WWOX: variants seen among roughly 807,000 people sequenced by gnomAD.
WWOX encodes the protein WW domain-containing oxidoreductase.
Under a neutral mutation model 46.2 loss-of-function variants are expected in WWOX, and 69 were observed. That is an observed-to-expected ratio of 1.49 (90% CI 1.23 to 1.82). The LOEUF (loss-of-function observed/expected upper bound fraction) is 1.82. WWOX is among the 40% of genes most tolerant of loss of function. WWOX has a pLI of 0.00. For synonymous variants in WWOX, 359 were observed against 202.6 expected (o/e 1.77, Z -6.56); for missense variants, 919 against 542.6 (o/e 1.69, Z -6.89).
At chr16:78,897,749 A>G (rs1597121775) in intron 8 of WWOX, 1 of 151,050 alleles carries the variant, frequency 6.6e-6, no homozygotes, top group East Asian at 2.0e-4. Context: ...GCTGCCAAAC[A>G]GTTGTCTAAA....
At chr16:78,830,574 G>A (rs1045642071) in intron 8 of WWOX, among the ~76,000 whole-genome samples, 3 of 151,942 alleles carry the variant, frequency 2.0e-5, no homozygotes, top group African/African-American at 7.3e-5. Context: ...TCACCTCTAG[G>A]AGATATTTTC....
intron 6 of WWOX, among the ~76,000 whole-genome samples, chr16:78,423,616 C>G (rs992593119): frequency 6.6e-6 from 1 of 151,930 alleles, no homozygotes; most frequent in African/African-American, 2.4e-5. Flanking sequence ...TTGCTTGAGA[C>G]CAGGAACTCA....
intron 8 of WWOX, among the ~76,000 whole-genome samples, chr16:78,471,732 C>T (rs2084226909): frequency 6.6e-6 from 1 of 152,190 alleles, no homozygotes; most frequent in African/African-American, 2.4e-5. Flanking sequence ...AGTCCCTGAA[C>T]ATCATTTGGC....
At chr16:78,101,346 C>CTTTTTTTTTTTTTTTT (rs71137871) in intron 1 of WWOX, among the ~76,000 whole-genome samples, 941 of 66,758 alleles carry the variant, frequency 0.014, 201 homozygotes, top group African/African-American at 0.019. Context: ...CGCTCCCGGC[C>CTTTTTTTTTTTTTTTT]TTTTTTTTTT....
At chr16:79,197,149 G>C (rs916799845) in intron 8 of WWOX, among the ~76,000 whole-genome samples, 1 of 152,134 alleles carries the variant, frequency 6.6e-6, no homozygotes, top group Admixed American at 6.5e-5. Flanking sequence ...AAATTCACAA[G>C]TCTGTACCAT....
At chr16:78,422,417 C>T (rs1320607988) in intron 6 of WWOX, among the ~76,000 whole-genome samples, 1 of 151,218 alleles carries the variant, frequency 6.6e-6, no homozygotes, top group South Asian at 2.1e-4. Context: ...GATCATAGCT[C>T]ATTGCAGCCC....
intron 4 of WWOX, among the ~76,000 whole-genome samples, chr16:78,126,000 C>G (rs552440764): frequency 1.2e-4 from 19 of 152,192 alleles, no homozygotes; most frequent in African/African-American, 4.6e-4. Flanking sequence ...TAGAAGTATA[C>G]TATTAATATT....
At chr16:78,914,747 C>T (rs1188934659) in intron 8 of WWOX, among the ~76,000 whole-genome samples, 2 of 149,968 alleles carry the variant, frequency 1.3e-5, no homozygotes, top group East Asian at 1.9e-4. Flanking sequence ...GGCATGCTGG[C>T]AGGCGCCTGT....
At chr16:79,035,300 C>T (rs1363780631) in intron 8 of WWOX, among the ~76,000 whole-genome samples, 1 of 152,164 alleles carries the variant, frequency 6.6e-6, no homozygotes, top group Non-Finnish European at 1.5e-5. Context: ...TCTCTAATCC[C>T]TTTGATTTCC....
intron 5 of WWOX, among the ~76,000 whole-genome samples, chr16:78,271,324 G>A (rs1156535711): frequency 1.3e-5 from 2 of 152,152 alleles, no homozygotes; most frequent in Admixed American, 6.5e-5. Flanking sequence ...GAAATCACAA[G>A]CCCATGTAAA....
At chr16:78,966,021 C>T (rs1419747466) in intron 8 of WWOX, among the ~76,000 whole-genome samples, 1 of 152,120 alleles carries the variant, frequency 6.6e-6, no homozygotes, top group Non-Finnish European at 1.5e-5. Flanking sequence ...AAGTTATCTC[C>T]AGGTGCTATC....
chr16:79,134,686 C>A (rs987850240), intron 8 of WWOX, among the ~76,000 whole-genome samples: 14 of 152,138 alleles, frequency 9.2e-5, no homozygotes, highest in African/African-American at 3.4e-4. Flanking sequence ...CAAGGACATT[C>A]TTATAGACAT....
At chr16:78,910,724 C>G (rs952339503) in intron 8 of WWOX, among the ~76,000 whole-genome samples, 1 of 151,780 alleles carries the variant, frequency 6.6e-6, no homozygotes, top group Admixed American at 6.6e-5. Context: ...GGGGAACTCC[C>G]CTTTATAAAA....
intron 5 of WWOX, among the ~76,000 whole-genome samples, chr16:78,336,330 CA>C (rs35010158): frequency 0.2 from 26,022 of 130,764 alleles, 2,747 homozygotes; most frequent in East Asian, 0.43. Context: ...AAAATAACAC[CA>C]AAAAAAAAAA....
intron 8 of WWOX, among the ~76,000 whole-genome samples, chr16:78,782,395 T>C (rs182726684): frequency 9.2e-5 from 14 of 152,276 alleles, no homozygotes; most frequent in Middle Eastern, 3.4e-3. Flanking sequence ...TTTCCCACAA[T>C]CTAGGAGAAA....
intron 8 of WWOX, among the ~76,000 whole-genome samples, chr16:79,134,006 C>A (rs2049934158): frequency 6.6e-6 from 1 of 152,040 alleles, no homozygotes; most frequent in Non-Finnish European, 1.5e-5. Context: ...TCATGCTGGA[C>A]TATCTAAGCA....
chr16:78,871,040 C>A (rs542614742), intron 8 of WWOX, among the ~76,000 whole-genome samples: 1 of 152,078 alleles, frequency 6.6e-6, no homozygotes, highest in Non-Finnish European at 1.5e-5. Context: ...ATTAATTTCT[C>A]GAGGTAAAAC....
chr16:78,226,585 C>G lies in WWOX; in HGVS notation c.516+62296C>G, dbSNP rs527660439. The stretch of plus-strand genomic sequence containing the variant: ...TCCTTTCCTTCTTCTTCCTTTCTTC[C>G]TTTATTTCTTTCTTCCTGTATTATT... On this transcript the variant is annotated intron_variant, in intron 5 of 8. Coordinates refer to ENST00000566780, the MANE Select transcript of WWOX (RefSeq NM_016373.4). Among the ~76,000 whole-genome samples, 6 of 146,488 alleles carry G rather than the reference C, an allele frequency of 4.1e-5. No individual in the cohort carries two copies. In the South Asian group the frequency reaches 6.8e-4, roughly 17 times the overall value.
chr16:78,931,957 A>C (rs1158131860), intron 8 of WWOX, among the ~76,000 whole-genome samples: 1 of 152,216 alleles, frequency 6.6e-6, no homozygotes, highest in Non-Finnish European at 1.5e-5. Context: ...TATAAAGGGC[A>C]GTTCCCCTGC....
Sources: gnomAD v4.1 joint callset for allele counts (sites outside exome capture counted in the v4.1 genomes callset) on GRCh38, gnomAD v4.1.1 for gene constraint, MANE v1.5 for transcripts, NCBI Gene and HGNC (gene_info 2026-07-23, HGNC 2026-07-21) for gene names.